The following MAGI2 variants were observed in gnomAD, a reference collection of about 807,000 sequenced individuals.
The protein encoded by MAGI2 is membrane associated guanylate kinase, WW and PDZ domain containing 2, also known as membrane-associated guanylate kinase, WW and PDZ domain-containing protein 2.
Under a neutral mutation model 133.3 loss-of-function variants are expected in MAGI2, and 35 were observed. The observed-to-expected ratio is 0.26, with a 90% CI of 0.20 to 0.35. The LOEUF (loss-of-function observed/expected upper bound fraction) is 0.35, where lower values mean the gene tolerates loss of function less well. Ranked by LOEUF, MAGI2 falls within the 10% of genes least tolerant of loss-of-function variation. The pLI, the probability that MAGI2 is intolerant of heterozygous loss-of-function variation, is 1.00. For synonymous variants in MAGI2, 729 were observed against 710.6 expected, an observed-to-expected ratio of 1.03 and a Z score of -0.41; for missense variants, 1,636 against 1,863.4, an observed-to-expected ratio of 0.88 and a Z score of 2.25.
At chr7:78,856,859 C>A (rs1793690925) in intron 2 of MAGI2, among the ~76,000 whole-genome samples, 1 of 152,144 alleles carries the variant, frequency 6.6e-6, no homozygotes, top group African/African-American at 2.4e-5. Context: ...GCCATTTTCA[C>A]AATATTGATC....
At chr7:79,013,782 A>G (rs1383734293) in intron 1 of MAGI2, among the ~76,000 whole-genome samples, 1 of 152,162 alleles carries the variant, frequency 6.6e-6, no homozygotes, top group Non-Finnish European at 1.5e-5. Flanking sequence ...TAGACTAGAC[A>G]GTCTATAAAT....
At chr7:79,283,864 A>G (rs148904892) in intron 1 of MAGI2, among the ~76,000 whole-genome samples, 2 of 152,226 alleles carry the variant, frequency 1.3e-5, no homozygotes, top group Non-Finnish European at 2.9e-5. Context: ...ACAATGGATC[A>G]CACAGATCAG....
intron 4 of MAGI2, among the ~76,000 whole-genome samples, chr7:78,517,780 T>C (rs1796160798): frequency 6.6e-6 from 1 of 152,138 alleles, no homozygotes; most frequent in African/African-American, 2.4e-5. Context: ...CTAGGTGCCA[T>C]GGGCTAACTC....
chr7:79,441,135 G>A (rs911554775), intron 1 of MAGI2, among the ~76,000 whole-genome samples: 6 of 152,164 alleles, frequency 3.9e-5, no homozygotes, highest in Non-Finnish European at 7.3e-5. Flanking sequence ...GTTCCTTCCC[G>A]CGGTCTGAGG....
At chr7:79,071,900 T>G (rs1815022809) in intron 1 of MAGI2, among the ~76,000 whole-genome samples, 1 of 152,098 alleles carries the variant, frequency 6.6e-6, no homozygotes, top group Non-Finnish European at 1.5e-5. Flanking sequence ...CTGGGCTCCG[T>G]GGGGGTGGGA....
chr7:79,440,541 T>C (rs1336807024), intron 1 of MAGI2, among the ~76,000 whole-genome samples: 1 of 152,058 alleles, frequency 6.6e-6, no homozygotes, highest in Non-Finnish European at 1.5e-5. Context: ...AGCTGGAAAA[T>C]ACATCATGAT....
chr7:79,189,823 T>TA lies in MAGI2; in HGVS notation c.302-182618_302-182617insT, dbSNP rs149346376. On this transcript the variant is annotated intron_variant, in intron 1 of 21. Coordinates refer to ENST00000354212, the MANE Select transcript of MAGI2 (RefSeq NM_012301.4). ...CCCTGACAACCATGGATCTTTTTACTGTCTCCAGAGTTTTCTCTTTTCCAG... is the reference window on the plus strand; with the variant it reads ...CCCTGACAACCATGGATCTTTTTACTAGTCTCCAGAGTTTTCTCTTTTCCAG... 4.8e-3 allele frequency among the ~76,000 whole-genome samples: 723 copies of TA among 151,894 alleles called. 2 individuals carry two copies. Among genetic ancestry groups the TA allele is most frequent in the Non-Finnish European group, 8.3e-3 (564 of 67,924 alleles).
intron 1 of MAGI2, among the ~76,000 whole-genome samples, chr7:79,391,726 G>A (rs1427322119): frequency 6.6e-6 from 1 of 151,734 alleles, no homozygotes; most frequent in African/African-American, 2.4e-5. Flanking sequence ...GTCTTGCTCT[G>A]TCACCCAGGC....
At chr7:78,749,369 C>G (rs117553145) in intron 2 of MAGI2, among the ~76,000 whole-genome samples, 1 of 152,040 alleles carries the variant, frequency 6.6e-6, no homozygotes, top group Non-Finnish European at 1.5e-5. Flanking sequence ...TTTCATGGAG[C>G]TTATGTTTTC....
At chr7:79,141,515 A>T (rs1489201399) in intron 1 of MAGI2, among the ~76,000 whole-genome samples, 1 of 152,158 alleles carries the variant, frequency 6.6e-6, no homozygotes, top group African/African-American at 2.4e-5. Context: ...ATTACTTCTA[A>T]AAATAATGAT....
intron 21 of MAGI2, among the ~76,000 whole-genome samples, chr7:78,027,778 ATATAT>A (rs1296762793): frequency 2.6e-5 from 4 of 152,358 alleles, no homozygotes; most frequent in South Asian, 4.1e-4. Context: ...TGAATTGAAA[ATATAT>A]TAGATACTGG....
intron 9 of MAGI2, among the ~76,000 whole-genome samples, chr7:78,286,957 G>A (rs555384923): frequency 3.3e-5 from 5 of 152,286 alleles, no homozygotes; most frequent in African/African-American, 1.2e-4. Context: ...TAGCCGGATG[G>A]AATACTGCGA....
chr7:78,563,505 G>A (rs1274862570), intron 3 of MAGI2, among the ~76,000 whole-genome samples: 1 of 152,146 alleles, frequency 6.6e-6, no homozygotes, highest in Non-Finnish European at 1.5e-5. Context: ...AAAAACGACA[G>A]ACGAGAGCCA....
chr7:78,433,618 T>A (rs1273424846), intron 6 of MAGI2, among the ~76,000 whole-genome samples: 6 of 152,130 alleles, frequency 3.9e-5, no homozygotes, highest in Admixed American at 3.9e-4. Flanking sequence ...TCTGGTGGTT[T>A]TGCAGGAAAG....
At chr7:78,422,450 A>T (rs1584027357) in intron 6 of MAGI2, among the ~76,000 whole-genome samples, 1 of 152,176 alleles carries the variant, frequency 6.6e-6, no homozygotes, top group Admixed American at 6.6e-5. Flanking sequence ...AACACTTGTT[A>T]TAAGTGTTTT....
At chr7:78,034,898 C>G (rs1025054611) in intron 21 of MAGI2, 1 of 152,248 alleles carries the variant, frequency 6.6e-6, no homozygotes, top group African/African-American at 2.4e-5. Context: ...ATAATTCTGA[C>G]TTTCCTACAG....
chr7:78,298,436 TAAG>T (rs1180829934), intron 9 of MAGI2, among the ~76,000 whole-genome samples: 1 of 152,170 alleles, frequency 6.6e-6, no homozygotes, highest in African/African-American at 2.4e-5. Flanking sequence ...GGTAAGATGT[TAAG>T]AAGAGAAATT....
chr7:78,059,151 A>G (rs970225232), intron 21 of MAGI2, among the ~76,000 whole-genome samples: 15 of 152,078 alleles, frequency 9.9e-5, no homozygotes, highest in Non-Finnish European at 4.4e-5. Context: ...GCTTCTCATC[A>G]TATTGACCTG....
At chr7:78,239,576 C>T (rs1418292815) in intron 10 of MAGI2, among the ~76,000 whole-genome samples, 2 of 152,092 alleles carry the variant, frequency 1.3e-5, no homozygotes, top group South Asian at 2.1e-4. Context: ...AAAAAAATAA[C>T]CTGATCAAAA....
Sources: allele counts gnomAD v4.1 joint callset (sites outside exome capture counted in the v4.1 genomes callset), GRCh38; gene constraint gnomAD v4.1.1; transcripts MANE v1.5; gene names NCBI Gene and HGNC (gene_info 2026-07-23, HGNC 2026-07-21).